The following CHN2 variants were observed in gnomAD, a reference collection of about 807,000 sequenced individuals.
CHN2 encodes the protein beta-chimaerin.
CHN2 carries 35 observed loss-of-function variants against 56.3 expected under a neutral mutation model. The ratio of observed to expected loss-of-function variants is 0.62; its 90% CI spans 0.47 to 0.82. The LOEUF is 0.82. Ranked by LOEUF, CHN2 falls within the 40% of genes least tolerant of loss-of-function variation. The probability of loss-of-function intolerance (pLI) is 0.00; values close to 1 mark genes in which losing one functional copy is unlikely to be tolerated. For synonymous variants in CHN2, 210 were observed against 212.8 expected (o/e 0.99, Z 0.12); for missense variants, 491 against 580.5 (o/e 0.85, Z 1.58).
chr7:29,421,618 A>G (rs952493255), intron 6 of CHN2, among the ~76,000 whole-genome samples: 2 of 152,234 alleles, frequency 1.3e-5, no homozygotes, highest in Admixed American at 6.5e-5. Context: ...TTCTTTTGGC[A>G]GGAACATTCT....
chr7:29,276,408 A>G (rs1791223752), intron 1 of CHN2, among the ~76,000 whole-genome samples: 1 of 152,138 alleles, frequency 6.6e-6, no homozygotes, highest in Admixed American at 6.5e-5. Context: ...TGTCCAAGGC[A>G]GTTTGGTGGA....
At chr7:29,285,752 T>C (rs935621208) in intron 1 of CHN2, among the ~76,000 whole-genome samples, 30 of 152,234 alleles carry the variant, frequency 2.0e-4, no homozygotes, top group African/African-American at 6.8e-4. Context: ...TGGATGATCC[T>C]GATTATGTCA....
intron 5 of CHN2, among the ~76,000 whole-genome samples, chr7:29,400,063 C>T (rs147464018): frequency 1.6e-4 from 24 of 152,196 alleles, no homozygotes; most frequent in African/African-American, 5.5e-4. Flanking sequence ...GGTAAAGATG[C>T]GTTAACAAGG....
chr7:29,197,774 A>C (rs561240661), intron 1 of CHN2, among the ~76,000 whole-genome samples: 1 of 152,360 alleles, frequency 6.6e-6, no homozygotes, highest in African/African-American at 2.4e-5. Context: ...CGAGACAAAC[A>C]TGCAAACAGC....
intron 9 of CHN2, among the ~76,000 whole-genome samples, chr7:29,500,487 G>T (rs1341870034): frequency 6.6e-6 from 1 of 152,132 alleles, no homozygotes; most frequent in Admixed American, 6.5e-5. Flanking sequence ...AATTAGCCAG[G>T]TGTGGTGGTG....
At chr7:29,437,552 C>A (rs1472659383) in intron 6 of CHN2, among the ~76,000 whole-genome samples, 20 of 82,258 alleles carry the variant, frequency 2.4e-4, no homozygotes, top group African/African-American at 4.5e-4. Flanking sequence ...GAGCCGAGAT[C>A]GCGCCACTGC....
intron 6 of CHN2, among the ~76,000 whole-genome samples, chr7:29,469,539 A>G (rs1023608220): frequency 6.6e-6 from 1 of 152,096 alleles, no homozygotes; most frequent in Non-Finnish European, 1.5e-5. Context: ...GGAGCCTACC[A>G]TGCTTGCTCC....
At chr7:29,321,570 CTTT>C (rs59651474) in intron 1 of CHN2, among the ~76,000 whole-genome samples, 58 of 128,180 alleles carry the variant, frequency 4.5e-4, no homozygotes, top group Non-Finnish European at 5.8e-4. Context: ...TTCTTTCTTT[CTTT>C]TTTTTTTTTT....
chr7:29,380,270 G>GAA (rs1383435264), intron 3 of CHN2, among the ~76,000 whole-genome samples: 1 of 140,570 alleles, frequency 7.1e-6, no homozygotes, highest in East Asian at 2.2e-4. Flanking sequence ...CTAAAGTGGA[G>GAA]AAATTTGGTT....
chr7:29,226,827 G>A (rs940557859), intron 1 of CHN2, among the ~76,000 whole-genome samples: 1 of 151,992 alleles, frequency 6.6e-6, no homozygotes, highest in Non-Finnish European at 1.5e-5. Flanking sequence ...TTTTGTCTTT[G>A]TTTTCCCCTG....
intron 1 of CHN2, among the ~76,000 whole-genome samples, chr7:29,288,661 A>G (rs780346902): frequency 1.3e-5 from 2 of 152,248 alleles, no homozygotes; most frequent in Non-Finnish European, 2.9e-5. Flanking sequence ...GGGAGCACAC[A>G]GAGAGGAACA....
intron 1 of CHN2, among the ~76,000 whole-genome samples, chr7:29,248,517 C>T (rs547590720): frequency 6.6e-6 from 1 of 152,332 alleles, no homozygotes; most frequent in Admixed American, 6.5e-5. Context: ...CTGGAGTCTC[C>T]TCATCAGGTC....
At chr7:29,402,551 C>T (rs1048567323) in intron 6 of CHN2, among the ~76,000 whole-genome samples, 2 of 152,182 alleles carry the variant, frequency 1.3e-5, no homozygotes, top group African/African-American at 4.8e-5. Flanking sequence ...ACCTTCCCAG[C>T]CATGACAAAT....
chr7:29,256,553 T>A (rs1162877714), intron 1 of CHN2, among the ~76,000 whole-genome samples: 1 of 152,218 alleles, frequency 6.6e-6, no homozygotes, highest in Non-Finnish European at 1.5e-5. Flanking sequence ...TCTGACCTCA[T>A]TACAAAGAAG....
intron 6 of CHN2, among the ~76,000 whole-genome samples, chr7:29,426,206 CAAAAAAA>C (rs10630481): frequency 1.2e-5 from 1 of 83,900 alleles, no homozygotes; most frequent in African/African-American, 3.9e-5. Flanking sequence ...GACTCTGTCT[CAAAAAAA>C]AAAAAAAAAA....
At chr7:29,418,415 T>C (rs1803997585) in intron 6 of CHN2, among the ~76,000 whole-genome samples, 1 of 152,224 alleles carries the variant, frequency 6.6e-6, no homozygotes. Context: ...ATCCAGAAAT[T>C]ACTATTTGAC....
intron 2 of CHN2, among the ~76,000 whole-genome samples, chr7:29,355,129 C>T (rs967306006): frequency 1.3e-5 from 2 of 151,758 alleles, no homozygotes; most frequent in African/African-American, 2.4e-5. Flanking sequence ...CCACCATGCC[C>T]GGCTAATTTT....
Position 29,500,005 on chromosome 7 carries a change from T to A in CHN2, c.878T>A (p.Val293Glu). 1 of 1,580,988 alleles carries A rather than the reference T, an allele frequency of 6.3e-7. No homozygotes were observed. The highest frequency in any genetic ancestry group is 8.6e-7 in the Non-Finnish European group (1 of 1,163,702). The change falls in exon 9 of 13, where the codon GTG becomes GAG. Residue 293 changes from valine (V) to glutamate (E), a missense_variant. Coordinates refer to ENST00000222792, the MANE Select transcript of CHN2 (RefSeq NM_004067.4). ...GCTCACAACACTCAGAGACCCATGG[T>A]GGTAGACATATGCATTCGGGAAATT... is the stretch of plus-strand genomic sequence containing the variant. ...VKAHNTQRPMVVDICIREIEA... is the reference protein window; with the variant it reads ...VKAHNTQRPMEVDICIREIEA...
At chr7:29,266,695 G>A (rs1790171520) in intron 1 of CHN2, among the ~76,000 whole-genome samples, 1 of 152,196 alleles carries the variant, frequency 6.6e-6, no homozygotes, top group South Asian at 2.1e-4. Context: ...AGGGAAAGTG[G>A]AGCAAGATTT....
Sources: allele counts gnomAD v4.1 joint callset (sites outside exome capture counted in the v4.1 genomes callset), GRCh38; gene constraint gnomAD v4.1.1; transcripts MANE v1.5; gene names NCBI Gene and HGNC (gene_info 2026-07-23, HGNC 2026-07-21).